Variants in LARGE1 observed in about 807,000 individuals in gnomAD.
LARGE1 encodes LARGE xylosyl- and glucuronyltransferase 1.
In LARGE1, 43 loss-of-function variants were observed where a neutral mutation model predicts 87.6. That is an observed-to-expected ratio of 0.49 (90% CI 0.38 to 0.63). The LOEUF (loss-of-function observed/expected upper bound fraction) is 0.63. Ranked by LOEUF, LARGE1 falls within the 30% of genes least tolerant of loss-of-function variation. LARGE1 has a pLI of 0.00. For missense variants in LARGE1, 802 were observed against 1,000.2 expected (o/e 0.80, Z 2.67); for synonymous variants, 434 against 394.6 (o/e 1.10, Z -1.18).
chr22:33,876,645 C>T (rs1414944835), intron 1 of LARGE1, among the ~76,000 whole-genome samples: 1 of 129,810 alleles, frequency 7.7e-6, no homozygotes, highest in Non-Finnish European at 1.6e-5. Context: ...CAGGGCCTGT[C>T]GGGGTGCGGG....
At chr22:33,706,645 TAAAG>T (rs1464268934) in intron 2 of LARGE1, among the ~76,000 whole-genome samples, 1 of 152,220 alleles carries the variant, frequency 6.6e-6, no homozygotes. Flanking sequence ...TAAATCGCTT[TAAAG>T]AAAGGAAATG....
chr22:33,089,472 C>CTTCTTT, the LARGE1 span, among the ~76,000 whole-genome samples: 3 of 149,950 alleles, frequency 2.0e-5, 1 homozygote, highest in East Asian at 5.9e-4. Context: ...TCCTCTTCTT[C>CTTCTTT]TTCCTCTTCC....
At position 33,873,934 on chromosome 22, in the gene LARGE1, C is replaced by A. The variant is rs117176179; in HGVS notation, c.-83+46061G>T. Among the ~76,000 whole-genome samples, 977 of 151,902 alleles carry A rather than the reference C, an allele frequency of 6.4e-3. 10 individuals are homozygous for A. Among genetic ancestry groups the A allele is most frequent in the African/African-American group, 0.022 (914 of 41,430 alleles). ...ATCCCTTCTCCTCTCACCTCCCAACCCTGATATTTCTTCCTTCCACCCCAC... is the reference window on the plus strand; with the variant it reads ...ATCCCTTCTCCTCTCACCTCCCAACACTGATATTTCTTCCTTCCACCCCAC... On this transcript the variant is annotated intron_variant, in intron 1 of 14. Transcript: ENST00000397394.
At chr22:33,120,339 T>C in the LARGE1 span, among the ~76,000 whole-genome samples, 12 of 143,866 alleles carry the variant, frequency 8.3e-5, no homozygotes, top group African/African-American at 3.1e-4. Context: ...CTTTCTTTCT[T>C]TTTCTTTCTT....
chr22:33,451,734 T>C (rs1182302380), intron 6 of LARGE1, among the ~76,000 whole-genome samples: 1 of 151,916 alleles, frequency 6.6e-6, no homozygotes, highest in African/African-American at 2.4e-5. Context: ...AATTTTTGAA[T>C]TTTTAGTAGA....
At chr22:33,153,309 C>T in the LARGE1 span, among the ~76,000 whole-genome samples, 7 of 152,270 alleles carry the variant, frequency 4.6e-5, no homozygotes, top group East Asian at 3.9e-4. Flanking sequence ...ATTACAGACA[C>T]GTGCCACAGC....
At chr22:33,703,628 A>C (rs1420529983) in intron 2 of LARGE1, among the ~76,000 whole-genome samples, 1 of 152,210 alleles carries the variant, frequency 6.6e-6, no homozygotes, top group East Asian at 1.9e-4. Context: ...TAATGGAGGC[A>C]GAAAGTGGTG....
chr22:33,782,158 G>A (rs1342188014), intron 1 of LARGE1, among the ~76,000 whole-genome samples: 2 of 152,164 alleles, frequency 1.3e-5, no homozygotes, highest in Admixed American at 1.3e-4. Context: ...TCTGCTGTTT[G>A]TTTTATCCTC....
chr22:33,174,807 C>T (rs1922773450), intron 11 of LARGE1, among the ~76,000 whole-genome samples: 1 of 152,114 alleles, frequency 6.6e-6, no homozygotes, highest in African/African-American at 2.4e-5. Context: ...AGTTGAATCC[C>T]TGAATAGACT....
chr22:33,263,383 C>G (rs569800000), intron 11 of LARGE1, among the ~76,000 whole-genome samples: 1 of 152,176 alleles, frequency 6.6e-6, no homozygotes, highest in African/African-American at 2.4e-5. Flanking sequence ...TCAGGTTGAG[C>G]AGGATGAAGG....
chr22:33,655,577 A>C (rs1249030425), intron 2 of LARGE1, among the ~76,000 whole-genome samples: 1 of 152,144 alleles, frequency 6.6e-6, no homozygotes, highest in Admixed American at 6.5e-5. Flanking sequence ...AATTCCTTAC[A>C]ATAAACATAG....
chr22:33,907,743 C>T (rs2065497742), intron 1 of LARGE1, among the ~76,000 whole-genome samples: 1 of 152,054 alleles, frequency 6.6e-6, no homozygotes, highest in African/African-American at 2.4e-5. Flanking sequence ...TACAGGCGCC[C>T]GCCACCACGC....
rs549075221 is a variant in LARGE1, at chr22:33,430,296, A to G, written c.892+1865T>C. 1.8e-4 allele frequency among the ~76,000 whole-genome samples: 27 copies of G among 152,240 alleles called. No homozygotes were observed. The South Asian group carries it at 5.6e-3, about 32-fold the overall frequency. ...GACTGACAACCATAAAGCACCTAACATGGTGCCTGGCTAATACTCAGCTGA... is the reference window on the plus strand; with the variant it reads ...GACTGACAACCATAAAGCACCTAACGTGGTGCCTGGCTAATACTCAGCTGA... On this transcript the variant is annotated intron_variant, in intron 7 of 14. Transcript: ENST00000397394.
At chr22:33,344,837 G>A (rs978802811) in intron 9 of LARGE1, among the ~76,000 whole-genome samples, 1 of 32,720 alleles carries the variant, frequency 3.1e-5, no homozygotes, top group African/African-American at 1.3e-4. Context: ...GCTGGTGACT[G>A]CTAAAGAATG....
At chr22:33,211,575 C>G (rs1924962179) in intron 11 of LARGE1, among the ~76,000 whole-genome samples, 1 of 152,052 alleles carries the variant, frequency 6.6e-6, no homozygotes, top group Admixed American at 6.5e-5. Flanking sequence ...AGTCCGAGAC[C>G]AGCCTGGCTA....
chr22:33,560,261 T>A (rs144823681), intron 6 of LARGE1, among the ~76,000 whole-genome samples: 113 of 152,222 alleles, frequency 7.4e-4, no homozygotes, highest in Admixed American at 2.9e-3. Context: ...CTTAACAGAG[T>A]GGCTGGCACA....
intron 6 of LARGE1, among the ~76,000 whole-genome samples, chr22:33,457,096 C>G (rs1353163720): frequency 6.6e-6 from 1 of 152,104 alleles, no homozygotes. Flanking sequence ...AAGAATGTAT[C>G]TGTCTAACAA....
At chr22:33,664,137 C>T (rs2081204323) in intron 2 of LARGE1, among the ~76,000 whole-genome samples, 1 of 152,222 alleles carries the variant, frequency 6.6e-6, no homozygotes, top group Admixed American at 6.5e-5. Flanking sequence ...GCTGAATCAC[C>T]TGTGCTTCCC....
At chr22:33,571,757 G>A (rs940558676) in intron 5 of LARGE1, among the ~76,000 whole-genome samples, 1 of 152,046 alleles carries the variant, frequency 6.6e-6, no homozygotes, top group African/African-American at 2.4e-5. Context: ...AAGTTTGGTG[G>A]TCCTTTTCCT....
Sources: allele counts gnomAD v4.1 joint callset (sites outside exome capture counted in the v4.1 genomes callset), GRCh38; gene constraint gnomAD v4.1.1; transcripts MANE v1.5; gene names NCBI Gene and HGNC (gene_info 2026-07-23, HGNC 2026-07-21).